MECOM: variants seen among roughly 807,000 people sequenced by gnomAD.
MECOM encodes the protein histone-lysine N-methyltransferase MECOM.
In MECOM, 13 loss-of-function variants were observed where a neutral mutation model predicts 116.3. That is an observed-to-expected ratio of 0.11 (90% CI 0.07 to 0.18). The LOEUF is 0.18. MECOM is among the 10% of genes least tolerant of loss of function. The probability of loss-of-function intolerance (pLI) is 1.00; values close to 1 mark genes in which losing one functional copy is unlikely to be tolerated. For synonymous variants in MECOM, 528 were observed against 535.2 expected (o/e 0.99, Z 0.19); for missense variants, 1,299 against 1,509.0 (o/e 0.86, Z 2.31).
chr3:169,488,372 CAAAA>C (rs758493062), intron 1 of MECOM, among the ~76,000 whole-genome samples: 4 of 62,394 alleles, frequency 6.4e-5, no homozygotes, highest in Non-Finnish European at 9.8e-5. Flanking sequence ...ACTAAAAATA[CAAAA>C]AAAAAAAAAA....
At chr3:169,120,979 C>T in intron 7 of MECOM, 77 bp downstream of exon 7, 2 of 1,462,960 alleles carry the variant, frequency 1.4e-6, no homozygotes, top group East Asian at 2.3e-5. Context: ...AGGCCATGTG[C>T]AGCCACTCTC....
At chr3:169,188,104 A>T (rs1024453206) in intron 2 of MECOM, among the ~76,000 whole-genome samples, 1 of 146,392 alleles carries the variant, frequency 6.8e-6, no homozygotes, top group African/African-American at 2.8e-5. Flanking sequence ...TGATCCGAAT[A>T]AAAAAAATTG....
At chr3:169,505,431 T>C (rs1217590983) in intron 1 of MECOM, among the ~76,000 whole-genome samples, 2 of 152,114 alleles carry the variant, frequency 1.3e-5, no homozygotes, top group Non-Finnish European at 2.9e-5. Context: ...CATTTGCAAA[T>C]AGAAACTGTA....
At chr3:169,107,222 A>G (rs1725728065) in intron 10 of MECOM, among the ~76,000 whole-genome samples, 1 of 152,184 alleles carries the variant, frequency 6.6e-6, no homozygotes, top group African/African-American at 2.4e-5. Context: ...ATTTTTAACT[A>G]TATGTTATTT....
chr3:169,645,079 C>T (rs986510605), intron 1 of MECOM, among the ~76,000 whole-genome samples: 1 of 152,162 alleles, frequency 6.6e-6, no homozygotes, highest in African/African-American at 2.4e-5. Context: ...ACCAAATGTA[C>T]ACTCAGGTGC....
At chr3:169,663,072 C>T (rs1776539293) in intron 1 of MECOM, among the ~76,000 whole-genome samples, 1 of 149,960 alleles carries the variant, frequency 6.7e-6, no homozygotes, top group African/African-American at 2.5e-5. Flanking sequence ...CCACCCCCAC[C>T]CCCACCCCGG....
intron 1 of MECOM, among the ~76,000 whole-genome samples, chr3:169,628,872 G>T (rs1200117797): frequency 6.6e-6 from 1 of 152,108 alleles, no homozygotes; most frequent in African/African-American, 2.4e-5. Flanking sequence ...CAGCTATTGG[G>T]CCCTGAGGAG....
chr3:169,569,315 C>T (rs1398120128), intron 1 of MECOM, among the ~76,000 whole-genome samples: 3 of 152,270 alleles, frequency 2.0e-5, no homozygotes, highest in East Asian at 3.9e-4. Context: ...AATACAAGAG[C>T]ACCCAGATTC....
At chr3:169,507,432 T>A (rs978586875) in intron 1 of MECOM, among the ~76,000 whole-genome samples, 1 of 152,152 alleles carries the variant, frequency 6.6e-6, no homozygotes, top group African/African-American at 2.4e-5. Context: ...CCAATCTACT[T>A]AAAGGCATAC....
At chr3:169,616,853 G>A (rs1770073946) in intron 1 of MECOM, among the ~76,000 whole-genome samples, 1 of 152,192 alleles carries the variant, frequency 6.6e-6, no homozygotes, top group Non-Finnish European at 1.5e-5. Context: ...AGATGAAGTA[G>A]GTTTGTTGAA....
At chr3:169,267,490 T>C (rs1454988251) in intron 2 of MECOM, among the ~76,000 whole-genome samples, 2 of 152,160 alleles carry the variant, frequency 1.3e-5, no homozygotes, top group Non-Finnish European at 2.9e-5. Flanking sequence ...AGGAAAGAGC[T>C]GCCCTTACTT....
chr3:169,118,357 G>T (rs560243245), intron 7 of MECOM, among the ~76,000 whole-genome samples: 2 of 152,038 alleles, frequency 1.3e-5, no homozygotes, highest in African/African-American at 4.8e-5. Flanking sequence ...AGAAGATGTG[G>T]GTGATATCTT....
intron 3 of MECOM, among the ~76,000 whole-genome samples, chr3:169,137,440 A>C (rs1210300609): frequency 6.6e-6 from 1 of 152,142 alleles, no homozygotes; most frequent in African/African-American, 2.4e-5. Flanking sequence ...AATTAATAAG[A>C]GGTAAAGAGA....
intron 1 of MECOM, among the ~76,000 whole-genome samples, chr3:169,643,544 T>A (rs985472495): frequency 6.6e-6 from 1 of 152,206 alleles, no homozygotes; most frequent in African/African-American, 2.4e-5. Context: ...CAAACCAATC[T>A]TGTTATTACT....
At chr3:169,546,477 A>G (rs1164684966) in intron 1 of MECOM, among the ~76,000 whole-genome samples, 3 of 152,220 alleles carry the variant, frequency 2.0e-5, no homozygotes, top group Admixed American at 6.5e-5. Context: ...TAACATATGA[A>G]GAAAGTAATA....
At chr3:169,648,821 A>C (rs2110072110) in intron 1 of MECOM, among the ~76,000 whole-genome samples, 1 of 152,342 alleles carries the variant, frequency 6.6e-6, no homozygotes, top group East Asian at 1.9e-4. Context: ...AATTGAACCT[A>C]GCAGAAAGAC....
intron 1 of MECOM, among the ~76,000 whole-genome samples, chr3:169,569,517 A>C (rs1763633735): frequency 6.6e-6 from 1 of 152,206 alleles, no homozygotes; most frequent in Non-Finnish European, 1.5e-5. Flanking sequence ...ACACCAAATC[A>C]ACGGAATGTA....
chr3:169,333,478 T>G (rs1054196694), intron 2 of MECOM, among the ~76,000 whole-genome samples: 8 of 152,054 alleles, frequency 5.3e-5, no homozygotes, highest in Admixed American at 1.3e-4. Flanking sequence ...TTGACATCCC[T>G]CCCCAATTTG....
intron 1 of MECOM, among the ~76,000 whole-genome samples, chr3:169,415,405 A>C (rs1408804175): frequency 6.6e-6 from 1 of 152,160 alleles, no homozygotes; most frequent in African/African-American, 2.4e-5. Context: ...GAAAGAAAAA[A>C]CTGGTACCAG....
Sources: allele counts gnomAD v4.1 joint callset (sites outside exome capture counted in the v4.1 genomes callset), GRCh38; gene constraint gnomAD v4.1.1; transcripts MANE v1.5; gene names NCBI Gene and HGNC (gene_info 2026-07-23, HGNC 2026-07-21).